MCRIP1: variants seen among roughly 807,000 people sequenced by gnomAD.
MCRIP1 encodes mapk-regulated corepressor-interacting protein 1.
Under a neutral mutation model 14.4 loss-of-function variants are expected in MCRIP1, and 10 were observed. That is an observed-to-expected ratio of 0.70 (90% CI 0.43 to 1.18). The LOEUF is 1.18. Ranked by LOEUF, MCRIP1 falls within the 50% of genes most tolerant of loss-of-function variation. The probability of loss-of-function intolerance (pLI) is 0.00; values close to 1 mark genes in which losing one functional copy is unlikely to be tolerated. For synonymous variants in MCRIP1, 53 were observed against 55.7 expected (o/e 0.95, Z 0.21); for missense variants, 119 against 135.4 (o/e 0.88, Z 0.60).
In MCRIP1 at chr17:81,823,727, G is replaced by C; in HGVS notation, c.128-214C>G. Reference sequence around the variant, plus strand: ...TGGCAGGCCTGTCCCTTCCCCGCAAGATGACCAGGACTGTGGTCAGAGGGA... The same window carrying C: ...TGGCAGGCCTGTCCCTTCCCCGCAACATGACCAGGACTGTGGTCAGAGGGA... On this transcript the variant is annotated intron_variant, in intron 3 of 4. Transcript: ENST00000455127. This position sits in a 1 kb window ranked among gnomAD's most constrained non-coding sequence, Gnocchi z 6.0. 2 of 603,918 alleles carry C rather than the reference G, an allele frequency of 3.3e-6. No homozygotes were observed. The highest frequency in any genetic ancestry group is 5.5e-5 in the East Asian group (2 of 36,400). The allele number at this position is 603,918 out of a possible 1,614,324, so 37.4% of individuals were successfully genotyped here. A position where few individuals can be genotyped will look rare whatever the true frequency, so the allele number is the denominator to read the frequency against.
rs1332535764 is a variant in MCRIP1 at position 81,822,791 on chromosome 17, CA to C, written c.*455del. ...GAGCAGCAAGGGTCTGCGGGGAGCC[CA>C]GGCTGGATGGGGTGGGGCTGCCCTT... On this transcript the variant is annotated 3_prime_UTR_variant, in exon 5 of 5. Transcript: ENST00000455127. 1 of 223,422 alleles carries C rather than the reference CA, an allele frequency of 4.5e-6. No homozygotes were observed. Among genetic ancestry groups the C allele is most frequent in the Non-Finnish European group, 8.9e-6 (1 of 111,836 alleles). 13.8% of individuals were successfully genotyped at this position (223,422 alleles called of 1,614,324 possible). A position where few individuals can be genotyped will look rare whatever the true frequency, so the allele number is the denominator to read the frequency against.
chr17:81,828,277 A>G (rs2038451882), intron 1 of MCRIP1, among the ~76,000 whole-genome samples: 1 of 65,232 alleles, frequency 1.5e-5, no homozygotes, highest in Admixed American at 1.5e-4. Context: ...CCACCCCCCG[A>G]CCCTGCACAC....
At chr17:81,826,522 C>CAAAA (rs4013609) in intron 1 of MCRIP1, 143 of 511,074 alleles carry the variant, frequency 2.8e-4, no homozygotes, top group African/African-American at 1.3e-3. Context: ...GACCCTGTGT[C>CAAAA]AAAAAAAAAA....
In MCRIP1 at chr17:81,825,363, C is replaced by T. The variant is rs1199870045; in HGVS notation, c.-48-809G>A. The T allele has an allele frequency of 1.0e-5, 12 of 1,182,452 alleles. No homozygotes were observed. The Admixed American group carries it at 1.1e-4, about 11-fold the overall frequency. The allele number at this position is 1,182,452 out of a possible 1,614,324, so 73.2% of individuals were successfully genotyped here. A position where few individuals can be genotyped will look rare whatever the true frequency, so the allele number is the denominator to read the frequency against. On this transcript the variant is annotated intron_variant, in intron 1 of 4. Transcript: ENST00000455127. Reference sequence around the variant, plus strand: ...CCCACTCCAGCTGAGGACACACAACCCCAAGGTGGGGAAGCTGACAGGGCT... The same window carrying T: ...CCCACTCCAGCTGAGGACACACAACTCCAAGGTGGGGAAGCTGACAGGGCT...
intron 1 of MCRIP1, among the ~76,000 whole-genome samples, chr17:81,829,448 C>T (rs1001304174): frequency 8.5e-5 from 13 of 152,370 alleles, no homozygotes; most frequent in Non-Finnish European, 1.5e-5. Flanking sequence ...CAAGACCGAG[C>T]ATGCCGATGT....
chr17:81,830,627 G>A (rs1399527569), intron 1 of MCRIP1, among the ~76,000 whole-genome samples: 2 of 151,938 alleles, frequency 1.3e-5, no homozygotes, highest in African/African-American at 4.8e-5. Flanking sequence ...ACAAGAGTGA[G>A]ACTTCATCTC....
intron 1 of MCRIP1, 58 bp downstream of exon 1, chr17:81,833,180 C>T (rs2038558124): frequency 6.8e-6 from 1 of 146,966 alleles, no homozygotes; most frequent in Non-Finnish European, 1.5e-5. Flanking sequence ...GGGCGGGGCC[C>T]AGCCGCGCCC....
rs1050279820 is a variant in MCRIP1 at position 81,822,842 on chromosome 17, G to T, written c.*405C>A. 18 of 340,046 alleles carry T rather than the reference G, an allele frequency of 5.3e-5. No homozygotes were observed. The highest frequency in any genetic ancestry group is 3.8e-4 in the African/African-American group (18 of 47,522). 21.1% of individuals were successfully genotyped at this position (340,046 alleles called of 1,614,324 possible). On this transcript the variant is annotated 3_prime_UTR_variant, in exon 5 of 5. Coordinates refer to ENST00000455127, the MANE Select transcript of MCRIP1 (RefSeq NM_207368.5). ...TGTCCTGTATCCTGACCACTTCAAGGACAAAACCAGCCCAGTCCCAGCAGC... is the reference window on the plus strand; with the variant it reads ...TGTCCTGTATCCTGACCACTTCAAGTACAAAACCAGCCCAGTCCCAGCAGC...
chr17:81,824,498 C>T lies in MCRIP1; in HGVS notation c.8+1G>A. On this transcript the variant is annotated splice_donor_variant, in intron 2 of 4. Coordinates refer to ENST00000455127, the MANE Select transcript of MCRIP1 (RefSeq NM_207368.5). LOFTEE classifies it high-confidence loss of function. The stretch of plus-strand genomic sequence containing the variant: ...GACCAGCCCACCTGCCTGAGACCCA[C>T]CTGGTCATCGCGGGGGCGTCTGATC... 1 of 1,536,280 alleles carries T rather than the reference C, an allele frequency of 6.5e-7. No individual in the cohort carries two copies. Among genetic ancestry groups the T allele is most frequent in the Non-Finnish European group, 8.7e-7 (1 of 1,146,824 alleles).
At chr17:81,825,118 G>A in intron 1 of MCRIP1, 1 of 1,016,458 alleles carries the variant, frequency 9.8e-7, no homozygotes, top group African/African-American at 1.7e-5. Flanking sequence ...TGGTTCCCTA[G>A]AGCATGAGCC....
intron 1 of MCRIP1, among the ~76,000 whole-genome samples, chr17:81,827,867 G>A (rs1355196279): frequency 7.2e-6 from 1 of 138,320 alleles, no homozygotes; most frequent in East Asian, 2.3e-4. Flanking sequence ...TGCAAGCTCC[G>A]CCTCCCGGGT....
chr17:81,823,386 C>T lies in MCRIP1; in HGVS notation c.229+26G>A. ...TGAGGCCCGGCCTGCCGGCCCAGCC[C>T]TGCCCCCAGGTCAGCCCCCACTCAC... On this transcript the variant is annotated intron_variant, in intron 4 of 4. Coordinates refer to ENST00000455127, the MANE Select transcript of MCRIP1 (RefSeq NM_207368.5). This position sits in a 1 kb window ranked among gnomAD's most constrained non-coding sequence, Gnocchi z 6.0. 2 of 1,536,446 alleles carry T rather than the reference C, an allele frequency of 1.3e-6. No homozygotes were observed. The highest frequency in any genetic ancestry group is 1.7e-6 in the Non-Finnish European group (2 of 1,146,498).
At position 81,825,807 on chromosome 17, in the gene MCRIP1, GTC is replaced by G. The variant is rs750782515; in HGVS notation, c.-48-1255_-48-1254del. On this transcript the variant is annotated intron_variant, in intron 1 of 4. Transcript: ENST00000455127. ...CACCTCTCCTTTCTTGGACTCTGGG[GTC>G]TCTCTGCCCAGTCCTCCTGCCAGGG... is the stretch of plus-strand genomic sequence containing the variant. 3.1e-6 allele frequency: 4 copies of G among 1,289,496 alleles called. No individual in the cohort carries two copies. In the South Asian group the frequency reaches 4.9e-5, roughly 16 times the overall value. 79.9% of individuals were successfully genotyped at this position (1,289,496 alleles called of 1,614,324 possible). A position where few individuals can be genotyped will look rare whatever the true frequency, so the allele number is the denominator to read the frequency against.
chr17:81,824,586 C>A (rs1352261139), intron 1 of MCRIP1, 32 bp from the exon 2 acceptor site: 2 of 1,535,632 alleles, frequency 1.3e-6, no homozygotes, highest in African/African-American at 1.4e-5. Flanking sequence ...GCATGGGACG[C>A]AGGGCCACCC....
At chr17:81,831,806 C>G (rs757234184) in intron 1 of MCRIP1, among the ~76,000 whole-genome samples, 26 of 152,210 alleles carry the variant, frequency 1.7e-4, no homozygotes, top group Non-Finnish European at 2.8e-4. Context: ...CTGCACCCTA[C>G]AGCAGGTTTC....
chr17:81,825,658 C>A, intron 1 of MCRIP1: 1 of 1,289,364 alleles, frequency 7.8e-7, no homozygotes. Flanking sequence ...AAGGGCAAAA[C>A]CAGCAAAGAG....
At chr17:81,828,190 C>T (rs1401752318) in intron 1 of MCRIP1, among the ~76,000 whole-genome samples, 24 of 152,090 alleles carry the variant, frequency 1.6e-4, no homozygotes, top group Non-Finnish European at 1.5e-5. Flanking sequence ...TAAGTCTTCC[C>T]AGACACGAAG....
At chr17:81,831,158 C>G (rs1388047064) in intron 1 of MCRIP1, among the ~76,000 whole-genome samples, 2 of 133,990 alleles carry the variant, frequency 1.5e-5, no homozygotes, top group African/African-American at 3.0e-5. Flanking sequence ...GGCAACAGAG[C>G]AAGACTCTGT....
At chr17:81,831,085 T>G (rs2038508482) in intron 1 of MCRIP1, among the ~76,000 whole-genome samples, 1 of 149,886 alleles carries the variant, frequency 6.7e-6, no homozygotes, top group African/African-American at 2.5e-5. Flanking sequence ...GGCAGGAGAA[T>G]CGCTTGAACC....
Sources: allele counts gnomAD v4.1 joint callset (sites outside exome capture counted in the v4.1 genomes callset), GRCh38; gene constraint gnomAD v4.1.1; non-coding constraint Gnocchi (gnomAD v3.1); transcripts MANE v1.5; gene names NCBI Gene and HGNC (gene_info 2026-07-23, HGNC 2026-07-21).